MEI1: variants seen among roughly 807,000 people sequenced by gnomAD.
MEI1 encodes meiotic double-stranded break formation protein 1.
MEI1 carries 103 observed loss-of-function variants against 146.2 expected under a neutral mutation model. That is an observed-to-expected ratio of 0.70 (90% CI 0.60 to 0.83). The LOEUF is 0.83. Among genes scored for constraint, MEI1 ranks in the 40% least tolerant of loss-of-function variants. The probability of loss-of-function intolerance (pLI) is 0.00; values close to 1 mark genes in which losing one functional copy is unlikely to be tolerated. For missense variants in MEI1, 1,529 were observed against 1,533.0 expected (o/e 1.00, Z 0.04); for synonymous variants, 652 against 628.2 (o/e 1.04, Z -0.57).
chr22:41,769,968 C>A (rs1569292059), intron 19 of MEI1, among the ~76,000 whole-genome samples: 1 of 151,296 alleles, frequency 6.6e-6, no homozygotes, highest in African/African-American at 2.4e-5. Context: ...AACTCCGTCT[C>A]TACTAAAAAT....
intron 9 of MEI1, among the ~76,000 whole-genome samples, chr22:41,731,181 G>C (rs1382708882): frequency 6.6e-6 from 1 of 151,026 alleles, no homozygotes; most frequent in Non-Finnish European, 1.5e-5. Context: ...AGCCTCCCGA[G>C]TAACTGGGAT....
chr22:41,777,727 T>TG (rs2148117019), intron 21 of MEI1, among the ~76,000 whole-genome samples: 1 of 152,266 alleles, frequency 6.6e-6, no homozygotes, highest in East Asian at 1.9e-4. Context: ...CTCCCAGTTT[T>TG]GGGGGCTGGG....
At position 41,784,343 on chromosome 22, in the gene MEI1, A is replaced by C. The variant is rs1602143251; in HGVS notation, c.3092A>C (p.His1031Pro). 6.2e-7 allele frequency: 1 copy of C among 1,613,724 alleles called. No individual in the cohort carries two copies. The highest frequency in any genetic ancestry group is 1.7e-5 in the Admixed American group (1 of 60,024). ...CTTTACCCTGTGCCCTGCCAGGTTC[A>C]CCAGACACTCTCTGTGGAAATGGAC... ...AQQHKGSLQVHQTLSVEMDQV... is the reference protein window; with the variant it reads ...AQQHKGSLQVPQTLSVEMDQV... Residue 1031 changes from histidine to proline, a missense_variant, in exon 25 of 31, where the codon CAC becomes CCC. Transcript: ENST00000401548.
At chr22:41,744,941 C>T (rs1384991546) in intron 12 of MEI1, 32 bp from the exon 13 acceptor site, 23 of 1,394,586 alleles carry the variant, frequency 1.6e-5, no homozygotes, top group Non-Finnish European at 2.2e-5. Flanking sequence ...TATACTTGAT[C>T]ACTAGGTTCC....
At chr22:41,733,169 G>A (rs984184957) in intron 11 of MEI1, among the ~76,000 whole-genome samples, 4 of 151,814 alleles carry the variant, frequency 2.6e-5, no homozygotes, top group Non-Finnish European at 4.4e-5. Context: ...TACAGTATAC[G>A]TTGGACATGG....
intron 15 of MEI1, among the ~76,000 whole-genome samples, chr22:41,751,319 C>A (rs1239410599): frequency 6.6e-6 from 1 of 152,174 alleles, no homozygotes; most frequent in African/African-American, 2.4e-5. Flanking sequence ...TTATTCCCAA[C>A]CCAGGGGCTG....
At chr22:41,749,239 G>T (rs1174840839) in intron 15 of MEI1, among the ~76,000 whole-genome samples, 1 of 151,926 alleles carries the variant, frequency 6.6e-6, no homozygotes, top group Non-Finnish European at 1.5e-5. Context: ...GCTCAGCCAT[G>T]TAGGCCCTTG....
intron 3 of MEI1, among the ~76,000 whole-genome samples, chr22:41,707,028 CAAAAAAAAAAA>C (rs59421678): frequency 7.6e-5 from 10 of 130,872 alleles, no homozygotes; most frequent in East Asian, 2.1e-4. Context: ...CCATCTCTAC[CAAAAAAAAAAA>C]AAAAAAAAAA....
chr22:41,732,407 T>G, intron 10 of MEI1, 62 bp from the exon 11 acceptor site: 1 of 1,613,676 alleles, frequency 6.2e-7, no homozygotes, highest in Non-Finnish European at 8.5e-7. Context: ...AAGTGGGCTT[T>G]CACTCCTGGT....
chr22:41,795,273 C>G lies in MEI1; in HGVS notation c.3535-138C>G. The G allele has an allele frequency of 8.4e-7, 1 of 1,186,202 alleles. No individual in the cohort carries two copies. 73.5% of individuals were successfully genotyped at this position (1,186,202 alleles called of 1,614,324 possible). A position where few individuals can be genotyped will look rare whatever the true frequency, so the allele number is the denominator to read the frequency against. ...CATGACACAGTCCCACCTCTGCCCACTAACTCTGAGCTCCTTGAAGGCAGG... is the reference window on the plus strand; with the variant it reads ...CATGACACAGTCCCACCTCTGCCCAGTAACTCTGAGCTCCTTGAAGGCAGG... On this transcript the variant is annotated intron_variant, in intron 28 of 30. Transcript: ENST00000401548. This position sits in a 1 kb window ranked among gnomAD's most constrained non-coding sequence, Gnocchi z 4.2.
At chr22:41,765,660 T>G (rs2074799479) in intron 19 of MEI1, among the ~76,000 whole-genome samples, 1 of 152,090 alleles carries the variant, frequency 6.6e-6, no homozygotes. Flanking sequence ...GCATTCTCTC[T>G]CTTCCCATCC....
In MEI1 at chr22:41,752,071, GA is replaced by G. The variant is rs59389967; in HGVS notation, c.1793-507del. Among the ~76,000 whole-genome samples, 882 of 134,650 alleles carry G rather than the reference GA, an allele frequency of 6.6e-3. 5 individuals are homozygous for G. The highest frequency in any genetic ancestry group is 0.019 in the African/African-American group (718 of 37,644). The allele number at this position is 134,650 out of a possible 152,430, so 88.3% of individuals were successfully genotyped here. ...GCGACAGAGTGAGGCTCCGTCTCAG[GA>G]AAAAAAAAAAAAGAAAAGAAACTGT... On this transcript the variant is annotated intron_variant, in intron 15 of 30. Transcript: ENST00000401548.
chr22:41,785,912 T>TTA (rs1283720741), intron 26 of MEI1, among the ~76,000 whole-genome samples: 11,879 of 124,500 alleles, frequency 0.095, 1,461 homozygotes, highest in Admixed American at 0.23. Context: ...TATTTTTTAT[T>TTA]TTATTTTTTT....
chr22:41,784,428 T>C lies in MEI1; in HGVS notation c.3169+8T>C. ...AGGCTGCACTACTCTCAGGTATGGG[T>C]CCACAAGTCTCCAGCAGAAGAAAAG... On this transcript the variant is annotated splice_region_variant and intron_variant, in intron 25 of 30. Coordinates refer to ENST00000401548, the MANE Select transcript of MEI1 (RefSeq NM_152513.4). The C allele has an allele frequency of 6.2e-7, 1 of 1,613,558 alleles. No individual in the cohort carries two copies. Among genetic ancestry groups the C allele is most frequent in the Non-Finnish European group, 8.5e-7 (1 of 1,179,574 alleles).
At chr22:41,794,666 G>T (rs759741580) in intron 28 of MEI1, among the ~76,000 whole-genome samples, 189 bp downstream of exon 28, 4 of 152,094 alleles carry the variant, frequency 2.6e-5, no homozygotes, top group South Asian at 2.1e-4. Flanking sequence ...CACTCCAGGG[G>T]ACTCCGACAC....
At chr22:41,728,993 G>T (rs1024455868) in intron 7 of MEI1, among the ~76,000 whole-genome samples, 3 of 151,682 alleles carry the variant, frequency 2.0e-5, no homozygotes, top group Non-Finnish European at 2.9e-5. Flanking sequence ...GTGAAACCCT[G>T]TTTCTACTAA....
chr22:41,791,927 G>A (rs1483169494), intron 26 of MEI1, among the ~76,000 whole-genome samples: 1 of 152,148 alleles, frequency 6.6e-6, no homozygotes, highest in East Asian at 1.9e-4. Context: ...GAAATGTCTG[G>A]AAAAGGCAAA....
At chr22:41,716,012 A>G in intron 4 of MEI1, 29 bp from the exon 5 acceptor site, 1 of 1,518,780 alleles carries the variant, frequency 6.6e-7, no homozygotes, top group Middle Eastern at 1.7e-4. Context: ...ATCCTAATTG[A>G]CAGAATGGAG....
At chr22:41,790,386 T>C (rs1602176922) in intron 26 of MEI1, among the ~76,000 whole-genome samples, 1 of 151,874 alleles carries the variant, frequency 6.6e-6, no homozygotes, top group Admixed American at 6.6e-5. Flanking sequence ...CACCCGGTCT[T>C]AAAACTCGCT....
Sources: allele counts gnomAD v4.1 joint callset (sites outside exome capture counted in the v4.1 genomes callset), GRCh38; gene constraint gnomAD v4.1.1; non-coding constraint Gnocchi (gnomAD v3.1); transcripts MANE v1.5; gene names NCBI Gene and HGNC (gene_info 2026-07-23, HGNC 2026-07-21).